The following GTF2F2 variants were observed in gnomAD, a reference collection of about 807,000 sequenced individuals.
The protein encoded by GTF2F2 is general transcription factor IIF subunit 2.
A neutral mutation model predicts 42.2 loss-of-function variants in GTF2F2; 23 were observed. The observed-to-expected ratio is 0.55, with a 90% CI of 0.39 to 0.77. GTF2F2 has a LOEUF of 0.77. GTF2F2 is among the 30% of genes least tolerant of loss of function. The pLI is 0.00. For missense variants in GTF2F2, 261 were observed against 287.2 expected, an observed-to-expected ratio of 0.91 and a Z score of 0.66; for synonymous variants, 105 against 100.8, an observed-to-expected ratio of 1.04 and a Z score of -0.25.
intron 7 of GTF2F2, among the ~76,000 whole-genome samples, chr13:45,279,901 GTTCCC>G (rs1209367073): frequency 6.6e-6 from 1 of 152,040 alleles, no homozygotes; most frequent in African/African-American, 2.4e-5. Flanking sequence ...GTGAAACTCT[GTTCCC>G]ACCGTCCCCC....
At chr13:45,211,059 G>A (rs1225192590) in intron 5 of GTF2F2, among the ~76,000 whole-genome samples, 1 of 152,188 alleles carries the variant, frequency 6.6e-6, no homozygotes, top group Non-Finnish European at 1.5e-5. Flanking sequence ...TGGAATGGGA[G>A]ATTCTTCTGG....
intron 4 of GTF2F2, among the ~76,000 whole-genome samples, chr13:45,185,753 C>G (rs1301927405): frequency 6.6e-6 from 1 of 152,128 alleles, no homozygotes; most frequent in Admixed American, 6.6e-5. Context: ...AGAAAATGCA[C>G]TAAATCATTT....
chr13:45,151,413 T>C (rs1301602900), intron 3 of GTF2F2, among the ~76,000 whole-genome samples: 1 of 152,072 alleles, frequency 6.6e-6, no homozygotes, highest in Non-Finnish European at 1.5e-5. Flanking sequence ...AAGGTTGGAG[T>C]GCAATGGCTG....
intron 4 of GTF2F2, among the ~76,000 whole-genome samples, chr13:45,167,050 C>T (rs1378469007): frequency 6.6e-6 from 1 of 151,522 alleles, no homozygotes; most frequent in Non-Finnish European, 1.5e-5. Flanking sequence ...GGCCAGCACA[C>T]TTTGAAAGAC....
chr13:45,275,390 T>G (rs1327780573), intron 7 of GTF2F2, among the ~76,000 whole-genome samples: 1 of 152,006 alleles, frequency 6.6e-6, no homozygotes, highest in Non-Finnish European at 1.5e-5. Context: ...GCCATGTTGT[T>G]GTGCTGCACC....
intron 4 of GTF2F2, among the ~76,000 whole-genome samples, chr13:45,180,632 T>C (rs1265850916): frequency 6.6e-6 from 1 of 152,192 alleles, no homozygotes; most frequent in African/African-American, 2.4e-5. Flanking sequence ...ATTGTACTTT[T>C]ATTTCTACAT....
At chr13:45,260,998 C>T (rs746808460) in intron 6 of GTF2F2, among the ~76,000 whole-genome samples, 3 of 152,158 alleles carry the variant, frequency 2.0e-5, no homozygotes, top group South Asian at 2.1e-4. Context: ...TGGTTGCACA[C>T]GCCTGTAATC....
chr13:45,278,825 T>C (rs999422161), intron 7 of GTF2F2, among the ~76,000 whole-genome samples: 1 of 133,822 alleles, frequency 7.5e-6, no homozygotes, highest in Non-Finnish European at 1.6e-5. Flanking sequence ...TCTTTTTTTT[T>C]TTTTTTTTTT....
At chr13:45,160,353 T>G (rs1017113561) in intron 4 of GTF2F2, among the ~76,000 whole-genome samples, 23 of 152,334 alleles carry the variant, frequency 1.5e-4, no homozygotes, top group African/African-American at 5.5e-4. Context: ...TTTCAGATAG[T>G]TGTGGACATT....
At chr13:45,193,079 A>G (rs984691177) in intron 4 of GTF2F2, 4 of 152,192 alleles carry the variant, frequency 2.6e-5, no homozygotes. Context: ...ACTTTTTATT[A>G]TAATCATTAA....
At chr13:45,134,780 T>G (rs146234793) in intron 1 of GTF2F2, among the ~76,000 whole-genome samples, 9 of 152,258 alleles carry the variant, frequency 5.9e-5, no homozygotes, top group Non-Finnish European at 1.2e-4. Flanking sequence ...AAGACCAGTC[T>G]GGAGTTGAGT....
intron 4 of GTF2F2, among the ~76,000 whole-genome samples, chr13:45,158,246 C>A (rs1017416298): frequency 6.6e-6 from 1 of 152,206 alleles, no homozygotes; most frequent in African/African-American, 2.4e-5. Flanking sequence ...GAATAAGTCT[C>A]ATGAGATCTG....
chr13:45,158,951 T>C (rs548890887), intron 4 of GTF2F2, among the ~76,000 whole-genome samples: 1 of 152,264 alleles, frequency 6.6e-6, no homozygotes, highest in Non-Finnish European at 1.5e-5. Flanking sequence ...TCAGATATTC[T>C]TGATTCAAAG....
At chr13:45,213,507 C>T (rs906405212) in intron 5 of GTF2F2, among the ~76,000 whole-genome samples, 4 of 152,158 alleles carry the variant, frequency 2.6e-5, no homozygotes, top group African/African-American at 9.7e-5. Context: ...ATCTTGTGTT[C>T]CTCTTTTCTG....
At chr13:45,217,941 A>T (rs960724575) in intron 5 of GTF2F2, among the ~76,000 whole-genome samples, 1 of 152,222 alleles carries the variant, frequency 6.6e-6, no homozygotes, top group African/African-American at 2.4e-5. Context: ...TATTTTAAGA[A>T]TGAATGGGCA....
chr13:45,160,603 G>A (rs1273030041), intron 4 of GTF2F2, among the ~76,000 whole-genome samples: 1 of 152,104 alleles, frequency 6.6e-6, no homozygotes, highest in African/African-American at 2.4e-5. Flanking sequence ...TTTCATTATA[G>A]AATATCAAAA....
At chr13:45,260,314 T>C (rs1876284325) in intron 6 of GTF2F2, among the ~76,000 whole-genome samples, 1 of 152,242 alleles carries the variant, frequency 6.6e-6, no homozygotes, top group African/African-American at 2.4e-5. Flanking sequence ...TTGCCTGTTA[T>C]AATACATAGT....
At chr13:45,239,908 C>T (rs1002790091) in intron 5 of GTF2F2, among the ~76,000 whole-genome samples, 1 of 151,996 alleles carries the variant, frequency 6.6e-6, no homozygotes, top group African/African-American at 2.4e-5. Flanking sequence ...CCACTCTGCC[C>T]CTTACAAGCT....
At chr13:45,196,389 A>G (rs1401559753) in intron 4 of GTF2F2, among the ~76,000 whole-genome samples, 2 of 152,166 alleles carry the variant, frequency 1.3e-5, no homozygotes, top group Non-Finnish European at 2.9e-5. Context: ...TATTCTGACA[A>G]TCTCATGTTT....
Sources: gnomAD v4.1 joint callset for allele counts (sites outside exome capture counted in the v4.1 genomes callset) on GRCh38, gnomAD v4.1.1 for gene constraint, MANE v1.5 for transcripts, NCBI Gene and HGNC (gene_info 2026-07-23, HGNC 2026-07-21) for gene names.